The following SIPA1L2 variants were observed in gnomAD, a reference collection of about 807,000 sequenced individuals.
SIPA1L2 encodes signal-induced proliferation-associated 1-like protein 2.
Under a neutral mutation model 163.9 loss-of-function variants are expected in SIPA1L2, and 56 were observed. The observed-to-expected ratio is 0.34, with a 90% confidence interval of 0.28 to 0.43. The LOEUF (loss-of-function observed/expected upper bound fraction) is 0.43. SIPA1L2 is among the 20% of genes least tolerant of loss of function. The probability of loss-of-function intolerance (pLI) is 1.00; values close to 1 mark genes in which losing one functional copy is unlikely to be tolerated. For missense variants in SIPA1L2, 1,974 were observed against 2,193.5 expected (o/e 0.90, Z 2.00); for synonymous variants, 877 against 865.7 (o/e 1.01, Z -0.23).
In SIPA1L2 at chr1:232,514,553, A is replaced by T; in HGVS notation, c.787T>A (p.Tyr263Asn). ...GEFVRISGLD[Y>N]VDSALLMGRD... ...CCCATCAGGAGGGCACTGTCCACATAATCTAATCCTGAGATGCGGACAAAT... is the reference window on the plus strand; with the variant it reads ...CCCATCAGGAGGGCACTGTCCACATTATCTAATCCTGAGATGCGGACAAAT... Residue 263 changes from tyrosine (Y) to asparagine (N), a missense_variant, in exon 3 of 23, where the codon TAT (tyrosine) becomes AAT (asparagine). Physicochemically the swap from Tyr to Asn is moderately radical, Grantham distance 143. This residue lies in a region of SIPA1L2 where 607 missense variants were observed against 624.0 expected (regional missense o/e 0.97). Coordinates refer to ENST00000674635, the MANE Select transcript of SIPA1L2 (RefSeq NM_020808.5). The T allele has an allele frequency of 6.2e-7, 1 of 1,614,150 alleles. No homozygotes were observed. Among genetic ancestry groups the T allele is most frequent in the Non-Finnish European group, 8.5e-7 (1 of 1,180,022 alleles).
rs1283921308 is a variant in SIPA1L2, at chr1:232,465,303, T to C, written c.2357A>G (p.Asn786Ser). 3 of 1,614,186 alleles carry C rather than the reference T, an allele frequency of 1.9e-6. No homozygotes were observed. Among genetic ancestry groups the C allele is most frequent in the Non-Finnish European group, 2.5e-6 (3 of 1,180,020 alleles). The part of the protein sequence containing the change: ...FRDFLLAKVI[N>S]AENAAHKSEK... Reference sequence around the variant, plus strand: ...TGATTTATGGGCTGCATTTTCTGCATTGATTACTTTGGCTAAAAGGAAGTC... The same window carrying C: ...TGATTTATGGGCTGCATTTTCTGCACTGATTACTTTGGCTAAAAGGAAGTC... Residue 786 changes from asparagine (N) to serine (S), a missense_variant, in exon 9 of 23, where the codon AAT (asparagine) becomes AGT (serine). Asn to Ser is a conservative substitution (Grantham distance 46). Around this residue, in one of 3 missense-constraint regions of SIPA1L2, gnomAD observed 288 missense variants for 418.9 expected, o/e 0.69. Transcript: ENST00000674635. The surrounding 1 kb of genome is among the most constrained non-coding windows in gnomAD (Gnocchi z 4.1).
chr1:232,624,650 G>A (rs1662985023), intron 1 of SIPA1L2, among the ~76,000 whole-genome samples: 1 of 152,188 alleles, frequency 6.6e-6, no homozygotes, highest in African/African-American at 2.4e-5. Context: ...ACTTCGGACT[G>A]TTCTGATTTC....
intron 2 of SIPA1L2, among the ~76,000 whole-genome samples, chr1:232,570,731 A>G (rs948818489): frequency 6.6e-6 from 1 of 152,210 alleles, no homozygotes; most frequent in Non-Finnish European, 1.5e-5. Context: ...AAAGCAACTC[A>G]AACAGTAAAA....
At chr1:232,552,931 C>G (rs1337276814) in intron 2 of SIPA1L2, among the ~76,000 whole-genome samples, 1 of 152,120 alleles carries the variant, frequency 6.6e-6, no homozygotes, top group Non-Finnish European at 1.5e-5. Flanking sequence ...GGGCTCCAGC[C>G]ACACAGCTGC....
chr1:232,605,871 C>T (rs1042638460), intron 1 of SIPA1L2, among the ~76,000 whole-genome samples: 1 of 152,176 alleles, frequency 6.6e-6, no homozygotes, highest in Admixed American at 6.5e-5. Flanking sequence ...ACACACATCA[C>T]ACATACGTGC....
At chr1:232,498,092 G>A (rs779072414) in intron 3 of SIPA1L2, among the ~76,000 whole-genome samples, 1 of 152,000 alleles carries the variant, frequency 6.6e-6, no homozygotes, top group Non-Finnish European at 1.5e-5. Flanking sequence ...CTCCAAAAAG[G>A]CCAAATCCTT....
chr1:232,546,848 G>C (rs1443250261), intron 2 of SIPA1L2, among the ~76,000 whole-genome samples: 2 of 152,184 alleles, frequency 1.3e-5, no homozygotes, highest in Non-Finnish European at 2.9e-5. Flanking sequence ...TGTCAGGATG[G>C]GGCTGATCAG....
intron 7 of SIPA1L2, among the ~76,000 whole-genome samples, chr1:232,479,114 T>C (rs938162968): frequency 1.3e-5 from 2 of 152,242 alleles, no homozygotes; most frequent in African/African-American, 4.8e-5. Context: ...TTTCAAAGGT[T>C]CTTAATTCTT....
intron 10 of SIPA1L2, among the ~76,000 whole-genome samples, chr1:232,447,799 T>C (rs760096282): frequency 2.0e-5 from 3 of 152,234 alleles, no homozygotes; most frequent in Non-Finnish European, 4.4e-5. Context: ...CTAATATGCA[T>C]ATGTGGAATC....
chr1:232,601,097 G>T (rs943725649), intron 1 of SIPA1L2, among the ~76,000 whole-genome samples: 1 of 152,192 alleles, frequency 6.6e-6, no homozygotes, highest in South Asian at 2.1e-4. Context: ...AGCCAGGGAG[G>T]ATATGCCAAG....
chr1:232,624,629 C>T lies in SIPA1L2; in HGVS notation c.-319+5240G>A, dbSNP rs556966161. 4.6e-5 allele frequency among the ~76,000 whole-genome samples: 7 copies of T among 152,296 alleles called. No homozygotes were observed. The South Asian group carries it at 1.5e-3, about 32-fold the overall frequency. Reference sequence around the variant, plus strand: ...TTTACTTAAGAGTTTGAATAAACTACCAGATAGCTTACTTCGGACTGTTCT... The same window carrying T: ...TTTACTTAAGAGTTTGAATAAACTATCAGATAGCTTACTTCGGACTGTTCT... On this transcript the variant is annotated intron_variant, in intron 1 of 22. Coordinates refer to ENST00000674635, the MANE Select transcript of SIPA1L2 (RefSeq NM_020808.5).
In SIPA1L2 at chr1:232,572,760, TA is replaced by T. The variant is rs1558277715; in HGVS notation, c.-270+1413del. Reference sequence around the variant, plus strand: ...ATACATATATATATATATATATATATATATATATATATATATATATTTATTT... The same window carrying T: ...ATACATATATATATATATATATATATTATATATATATATATATATTTATTT... On this transcript the variant is annotated intron_variant, in intron 2 of 22. Transcript: ENST00000674635. Among the ~76,000 whole-genome samples, 18 of 81,080 alleles carry T rather than the reference TA, an allele frequency of 2.2e-4. 1 individual carries two copies. The South Asian group carries it at 3.6e-3, about 16-fold the overall frequency. The allele number at this position is 81,080 out of a possible 152,430, so 53.2% of individuals were successfully genotyped here. A position where few individuals can be genotyped will look rare whatever the true frequency, so the allele number is the denominator to read the frequency against.
chr1:232,445,014 AAC>A, intron 11 of SIPA1L2, among the ~76,000 whole-genome samples: 1 of 152,280 alleles, frequency 6.6e-6, no homozygotes, highest in Non-Finnish European at 1.5e-5. Context: ...TACTGGATTT[AAC>A]TTTTAAACAA....
intron 2 of SIPA1L2, among the ~76,000 whole-genome samples, chr1:232,559,974 A>G (rs1442180183): frequency 6.6e-6 from 1 of 152,218 alleles, no homozygotes; most frequent in Non-Finnish European, 1.5e-5. Flanking sequence ...ATCCGTCTGG[A>G]AACAAATTTC....
At chr1:232,424,319 T>TA (rs1558164388) in intron 18 of SIPA1L2, among the ~76,000 whole-genome samples, 1 of 8,386 alleles carries the variant, frequency 1.2e-4, no homozygotes, top group East Asian at 5.8e-3. Context: ...TAAGTGAAGC[T>TA]AACAAAAAAA....
At chr1:232,494,729 G>A (rs1370002014) in intron 3 of SIPA1L2, among the ~76,000 whole-genome samples, 1 of 152,094 alleles carries the variant, frequency 6.6e-6, no homozygotes, top group Non-Finnish European at 1.5e-5. Context: ...ACAAAATAGT[G>A]GGAACAATTA....
chr1:232,422,487 T>C (rs1163910980), intron 18 of SIPA1L2, among the ~76,000 whole-genome samples: 2 of 152,218 alleles, frequency 1.3e-5, no homozygotes, highest in African/African-American at 4.8e-5. Context: ...GGTCTTCCAA[T>C]ATTCACTGGG....
chr1:232,462,291 G>A (rs1664281443), intron 9 of SIPA1L2: 15 of 1,549,964 alleles, frequency 9.7e-6, no homozygotes, highest in African/African-American at 1.4e-5. Flanking sequence ...AAGTTGGGAG[G>A]TATCATACTC....
intron 18 of SIPA1L2, among the ~76,000 whole-genome samples, chr1:232,422,860 C>G (rs1661651632): frequency 6.6e-6 from 1 of 152,192 alleles, no homozygotes; most frequent in Non-Finnish European, 1.5e-5. Flanking sequence ...GACTGTCAAA[C>G]TATTCTTAAA....
Sources: gnomAD v4.1 joint callset for allele counts (sites outside exome capture counted in the v4.1 genomes callset) on GRCh38, gnomAD v4.1.1 for gene constraint, gnomAD v4.1.1 regional missense constraint, Gnocchi (gnomAD v3.1) non-coding constraint, MANE v1.5 for transcripts, NCBI Gene and HGNC (gene_info 2026-07-23, HGNC 2026-07-21) for gene names.